NDUFAF2: variants seen among roughly 807,000 people sequenced by gnomAD.
The protein encoded by NDUFAF2 is NADH dehydrogenase [ubiquinone] 1 alpha subcomplex assembly factor 2.
NDUFAF2 carries 13 observed loss-of-function variants against 22.8 expected under a neutral mutation model. The observed-to-expected ratio is 0.57, with a 90% CI of 0.37 to 0.91. The LOEUF (loss-of-function observed/expected upper bound fraction) is 0.91. NDUFAF2 is among the 40% of genes least tolerant of loss of function. The pLI is 0.01. For synonymous variants in NDUFAF2, 53 were observed against 64.2 expected (o/e 0.83, Z 0.84); for missense variants, 162 against 195.2 (o/e 0.83, Z 1.01).
chr5:61,019,246 G>A (rs1265579460), intron 1 of NDUFAF2, among the ~76,000 whole-genome samples: 2 of 152,062 alleles, frequency 1.3e-5, no homozygotes, highest in Admixed American at 1.3e-4. Flanking sequence ...GTATTATGGG[G>A]ATAACAATAG....
intron 1 of NDUFAF2, among the ~76,000 whole-genome samples, chr5:61,063,564 A>G (rs572062917): frequency 1.3e-5 from 2 of 152,238 alleles, no homozygotes; most frequent in Non-Finnish European, 2.9e-5. Context: ...GTTGTTAAGG[A>G]ATACAAAAAG....
chr5:61,112,715 T>C (rs1467309205), intron 3 of NDUFAF2, among the ~76,000 whole-genome samples: 2 of 152,166 alleles, frequency 1.3e-5, no homozygotes, highest in Non-Finnish European at 1.5e-5. Flanking sequence ...AGCTAATTTG[T>C]CTTTTAATAG....
intron 3 of NDUFAF2, among the ~76,000 whole-genome samples, chr5:61,099,354 C>T (rs530712833): frequency 4.6e-5 from 7 of 151,360 alleles, no homozygotes; most frequent in African/African-American, 1.4e-4. Flanking sequence ...TCCCCTGGGC[C>T]CTGGGGGTTC....
chr5:61,080,890 A>G (rs947489690), intron 2 of NDUFAF2, among the ~76,000 whole-genome samples: 1 of 151,722 alleles, frequency 6.6e-6, no homozygotes, highest in African/African-American at 2.4e-5. Flanking sequence ...TTTTTCTTTT[A>G]TATATCATGG....
intron 1 of NDUFAF2, among the ~76,000 whole-genome samples, chr5:61,054,813 G>A (rs1752066576): frequency 6.6e-6 from 1 of 152,160 alleles, no homozygotes; most frequent in Admixed American, 6.5e-5. Context: ...TGTAGCAGAA[G>A]TATAAAGACA....
chr5:60,972,427 T>G (rs1339314417), intron 1 of NDUFAF2, among the ~76,000 whole-genome samples: 2 of 152,106 alleles, frequency 1.3e-5, no homozygotes, highest in Non-Finnish European at 1.5e-5. Flanking sequence ...TCTCATGAGA[T>G]CTGACAGTTT....
chr5:61,090,796 C>G (rs994961262), intron 2 of NDUFAF2, among the ~76,000 whole-genome samples: 4 of 152,004 alleles, frequency 2.6e-5, no homozygotes, highest in Non-Finnish European at 4.4e-5. Flanking sequence ...AGTATTCAGC[C>G]TAGTACCCCA....
intron 1 of NDUFAF2, among the ~76,000 whole-genome samples, chr5:60,976,387 C>G (rs1206592282): frequency 6.6e-6 from 1 of 150,800 alleles, no homozygotes; most frequent in Non-Finnish European, 1.5e-5. Flanking sequence ...TCATTCATTT[C>G]TTTAAATTTC....
chr5:60,988,749 C>A (rs1427037273), intron 1 of NDUFAF2, among the ~76,000 whole-genome samples: 1 of 152,116 alleles, frequency 6.6e-6, no homozygotes, highest in African/African-American at 2.4e-5. Flanking sequence ...GAAACTGGAC[C>A]CCTTTCTTAC....
intron 2 of NDUFAF2, among the ~76,000 whole-genome samples, chr5:61,075,587 A>G (rs1408529225): frequency 6.6e-6 from 1 of 152,176 alleles, no homozygotes; most frequent in Non-Finnish European, 1.5e-5. Context: ...TGAGTACGTA[A>G]TGACTCATTT....
intron 3 of NDUFAF2, among the ~76,000 whole-genome samples, chr5:61,113,101 C>G (rs1420479491): frequency 6.6e-6 from 1 of 152,112 alleles, no homozygotes; most frequent in Non-Finnish European, 1.5e-5. Context: ...TCTTACTCTA[C>G]TGTCTTGAAA....
At chr5:60,989,291 A>T (rs1307975540) in intron 1 of NDUFAF2, among the ~76,000 whole-genome samples, 3 of 152,176 alleles carry the variant, frequency 2.0e-5, no homozygotes, top group African/African-American at 7.2e-5. Flanking sequence ...AGAAGAGGGA[A>T]CACCTATACA....
At chr5:61,083,107 T>G (rs1752464127) in intron 2 of NDUFAF2, 1 of 152,200 alleles carries the variant, frequency 6.6e-6, no homozygotes, top group Admixed American at 6.5e-5. Context: ...GGTTTTGATT[T>G]GCATTTCTCA....
chr5:60,970,399 A>G (rs963781775), intron 1 of NDUFAF2, among the ~76,000 whole-genome samples: 15 of 152,194 alleles, frequency 9.9e-5, no homozygotes, highest in African/African-American at 2.9e-4. Context: ...GTCCTCTTCA[A>G]TTTGTTTCAT....
At chr5:61,091,888 G>A (rs781399049) in intron 2 of NDUFAF2, among the ~76,000 whole-genome samples, 2 of 152,090 alleles carry the variant, frequency 1.3e-5, no homozygotes, top group Admixed American at 6.6e-5. Flanking sequence ...ATAAGGAAGT[G>A]GTCCAGTTCC....
chr5:60,952,426 T>G (rs1010323531), intron 1 of NDUFAF2, among the ~76,000 whole-genome samples: 1 of 152,078 alleles, frequency 6.6e-6, no homozygotes, highest in African/African-American at 2.4e-5. Context: ...TTTTCTTATT[T>G]ATTTTTTCCT....
At chr5:61,022,570 TGACCTGTCCTTTGCTGGTTGTTTTTAA>T (rs1249750267) in intron 1 of NDUFAF2, among the ~76,000 whole-genome samples, 4 of 152,242 alleles carry the variant, frequency 2.6e-5, no homozygotes, top group African/African-American at 9.6e-5. Context: ...GTAGATAATC[TGACCTGTCCTTTGCTGGTTGTTTTTAA>T]GATCCTTTCT....
chr5:61,076,132 G>A (rs770008629), intron 2 of NDUFAF2, among the ~76,000 whole-genome samples: 24 of 152,094 alleles, frequency 1.6e-4, no homozygotes, highest in African/African-American at 5.6e-4. Flanking sequence ...GTGCAGTGGC[G>A]CGATCTTGGC....
intron 1 of NDUFAF2, among the ~76,000 whole-genome samples, chr5:61,040,017 CACTTGA>C (rs1477176675): frequency 6.6e-6 from 1 of 152,098 alleles, no homozygotes; most frequent in Non-Finnish European, 1.5e-5. Context: ...AGCTGTTGAA[CACTTGA>C]ACTTGAAGTT....
Sources: allele counts gnomAD v4.1 joint callset (sites outside exome capture counted in the v4.1 genomes callset), GRCh38; gene constraint gnomAD v4.1.1; transcripts MANE v1.5; gene names NCBI Gene and HGNC (gene_info 2026-07-23, HGNC 2026-07-21).